The following ITGB3BP variants were observed in gnomAD, a reference collection of about 807,000 sequenced individuals.
ITGB3BP encodes integrin subunit beta 3 binding protein, also known as centromere protein R.
ITGB3BP carries 27 observed loss-of-function variants against 29.1 expected under a neutral mutation model. That is an observed-to-expected ratio of 0.93 (90% confidence interval 0.68 to 1.28). The LOEUF (loss-of-function observed/expected upper bound fraction) is 1.28. Ranked by LOEUF, ITGB3BP falls within the 50% of genes most tolerant of loss-of-function variation. The pLI is 0.00. For synonymous variants in ITGB3BP, 61 were observed against 61.4 expected, an observed-to-expected ratio of 0.99 and a Z score of 0.03; for missense variants, 192 against 200.2, an observed-to-expected ratio of 0.96 and a Z score of 0.25.
chr1:63,463,336 G>A (rs1645049357), intron 4 of ITGB3BP, among the ~76,000 whole-genome samples: 1 of 150,316 alleles, frequency 6.7e-6, no homozygotes, highest in South Asian at 2.1e-4. Flanking sequence ...TACAGTGGTA[G>A]ATACAAGAAT....
chr1:63,515,554 A>G (rs1169195159), intron 1 of ITGB3BP, among the ~76,000 whole-genome samples: 2 of 152,088 alleles, frequency 1.3e-5, no homozygotes, highest in Non-Finnish European at 2.9e-5. Flanking sequence ...AACGCCAGGC[A>G]CGATGGTTCA....
intron 4 of ITGB3BP, among the ~76,000 whole-genome samples, chr1:63,462,654 A>G (rs1645035981): frequency 6.6e-6 from 1 of 152,228 alleles, no homozygotes; most frequent in Admixed American, 6.5e-5. Flanking sequence ...CACCTACAGA[A>G]TAGGCCTAAT....
chr1:63,444,436 T>C (rs940709366), intron 8 of ITGB3BP, among the ~76,000 whole-genome samples: 2 of 147,312 alleles, frequency 1.4e-5, no homozygotes, highest in East Asian at 2.0e-4. Flanking sequence ...ATATATAAGA[T>C]ATATATATCC....
intron 3 of ITGB3BP, among the ~76,000 whole-genome samples, chr1:63,487,726 G>C (rs1031423908): frequency 2.6e-5 from 4 of 152,022 alleles, no homozygotes; most frequent in African/African-American, 4.8e-5. Context: ...CATTGTATGT[G>C]GTCATTTGTT....
chr1:63,515,825 T>TAAAAAAAA (rs76881362), intron 1 of ITGB3BP, among the ~76,000 whole-genome samples: 2 of 48,594 alleles, frequency 4.1e-5, no homozygotes, highest in African/African-American at 1.7e-4. Flanking sequence ...GACTCCAACT[T>TAAAAAAAA]AAAAAAAAAA....
In ITGB3BP at chr1:63,475,490, G is replaced by A. The variant is rs184078115; in HGVS notation, c.254+3274C>T. Among the ~76,000 whole-genome samples the A allele has an allele frequency of 1.7e-3, 261 of 152,298 alleles. 1 individual carries two copies. Among genetic ancestry groups the A allele is most frequent in the African/African-American group, 6.0e-3 (251 of 41,564 alleles). On this transcript the variant is annotated intron_variant, in intron 4 of 8. Coordinates refer to ENST00000271002, the MANE Select transcript of ITGB3BP (RefSeq NM_014288.5). The stretch of plus-strand genomic sequence containing the variant: ...GGATAACTCGAGCCCAACAGGTTAA[G>A]GTTATAGTGGGCTATGATTGTGCCA...
At chr1:63,460,933 GTTCT>G (rs934343929) in intron 4 of ITGB3BP, among the ~76,000 whole-genome samples, 1 of 151,924 alleles carries the variant, frequency 6.6e-6, no homozygotes, top group African/African-American at 2.4e-5. Context: ...ATTTATATAA[GTTCT>G]TTCAAGAAAT....
At chr1:63,513,268 A>G (rs1646240864) in intron 1 of ITGB3BP, among the ~76,000 whole-genome samples, 2 of 152,170 alleles carry the variant, frequency 1.3e-5, no homozygotes, top group African/African-American at 4.8e-5. Context: ...TTATTCATTT[A>G]TATCACTACA....
intron 1 of ITGB3BP, 118 bp downstream of exon 1, chr1:63,523,011 G>C (rs1236460078): frequency 1.7e-6 from 2 of 1,177,484 alleles, no homozygotes; most frequent in Admixed American, 1.7e-5. Flanking sequence ...TGTGGACAGA[G>C]GAGACAAGTT....
chr1:63,475,997 CA>C (rs71052481), intron 4 of ITGB3BP, among the ~76,000 whole-genome samples: 25,918 of 104,142 alleles, frequency 0.25, 2,775 homozygotes, highest in African/African-American at 0.42. Flanking sequence ...GACACTGTCT[CA>C]AAAAAAAAAA....
At chr1:63,456,086 C>T (rs1644932076) in intron 4 of ITGB3BP, among the ~76,000 whole-genome samples, 1 of 152,038 alleles carries the variant, frequency 6.6e-6, no homozygotes, top group Admixed American at 6.6e-5. Flanking sequence ...AGCATAAATC[C>T]ATATAGATTT....
At position 63,508,572 on chromosome 1, in the gene ITGB3BP, T is replaced by C. The variant is rs969231213; in HGVS notation, c.6-2A>G. ...TCCAACTTCAGTGATCTTTTAACAC[T>C]ACAAACAAAAAATTTAAAGAAATTT... On this transcript the variant is annotated splice_acceptor_variant, in intron 1 of 8. Transcript: ENST00000271002. LOFTEE classifies it high-confidence loss of function. 12 of 1,343,954 alleles carry C rather than the reference T, an allele frequency of 8.9e-6. No individual in the cohort carries two copies. In the East Asian group the frequency reaches 2.3e-4, roughly 25 times the overall value. 83.3% of individuals were successfully genotyped at this position (1,343,954 alleles called of 1,614,324 possible).
upstream of ITGB3BP, among the ~76,000 whole-genome samples, chr1:63,527,649 C>G (rs1338562961): frequency 6.6e-6 from 1 of 152,118 alleles, no homozygotes; most frequent in Non-Finnish European, 1.5e-5. Flanking sequence ...ATCATTAGAT[C>G]CAGCTAATTC....
At chr1:63,501,918 C>T (rs1645940638) in intron 2 of ITGB3BP, among the ~76,000 whole-genome samples, 1 of 151,794 alleles carries the variant, frequency 6.6e-6, no homozygotes, top group Non-Finnish European at 1.5e-5. Flanking sequence ...GACTGGATAT[C>T]TATATATAAA....
chr1:63,519,827 T>C (rs1396235766), intron 1 of ITGB3BP, among the ~76,000 whole-genome samples: 1 of 152,128 alleles, frequency 6.6e-6, no homozygotes, highest in African/African-American at 2.4e-5. Flanking sequence ...TCATTTTCCC[T>C]TATCTTGGAA....
At chr1:63,498,730 G>GA (rs1303344964) in intron 2 of ITGB3BP, among the ~76,000 whole-genome samples, 1 of 151,292 alleles carries the variant, frequency 6.6e-6, no homozygotes, top group Non-Finnish European at 1.5e-5. Context: ...ATGAAATGGA[G>GA]AAAAAACAAC....
chr1:63,450,123 A>C (rs955059942), intron 7 of ITGB3BP, among the ~76,000 whole-genome samples: 1 of 151,976 alleles, frequency 6.6e-6, no homozygotes, highest in African/African-American at 2.4e-5. Flanking sequence ...CAGAAAGTTA[A>C]CTAAAGAATA....
chr1:63,517,928 G>C (rs1057404060), intron 1 of ITGB3BP, among the ~76,000 whole-genome samples: 2 of 152,004 alleles, frequency 1.3e-5, no homozygotes, highest in Non-Finnish European at 2.9e-5. Context: ...TTGCCATATT[G>C]CCCAGGCTAA....
chr1:63,468,137 C>T (rs566425119), intron 4 of ITGB3BP, among the ~76,000 whole-genome samples: 2 of 152,276 alleles, frequency 1.3e-5, no homozygotes, highest in East Asian at 3.9e-4. Context: ...AACATGGCTG[C>T]CAGTATCATC....
Sources: allele counts gnomAD v4.1 joint callset (sites outside exome capture counted in the v4.1 genomes callset), GRCh38; gene constraint gnomAD v4.1.1; transcripts MANE v1.5; gene names NCBI Gene and HGNC (gene_info 2026-07-23, HGNC 2026-07-21).